The following IL1R2 variants were observed in gnomAD, a reference collection of about 807,000 sequenced individuals.
IL1R2 encodes interleukin 1 receptor type 2.
A neutral mutation model predicts 39.5 loss-of-function variants in IL1R2; 46 were observed. The observed-to-expected ratio is 1.16, with a 90% CI of 0.92 to 1.49. The LOEUF (loss-of-function observed/expected upper bound fraction) is 1.49. Ranked by LOEUF, IL1R2 falls within the 40% of genes most tolerant of loss-of-function variation. The probability of loss-of-function intolerance (pLI) is 0.00; values close to 1 mark genes in which losing one functional copy is unlikely to be tolerated. For synonymous variants in IL1R2, 207 were observed against 189.6 expected, an observed-to-expected ratio of 1.09 and a Z score of -0.75; for missense variants, 537 against 502.0, an observed-to-expected ratio of 1.07 and a Z score of -0.67.
intron 5 of IL1R2, among the ~76,000 whole-genome samples, chr2:102,021,067 A>T (rs1677353809): frequency 6.6e-6 from 1 of 152,106 alleles, no homozygotes; most frequent in Admixed American, 6.5e-5. Context: ...CCAGCTCCAT[A>T]GGGCAGCGCG....
intron 1 of IL1R2, among the ~76,000 whole-genome samples, chr2:101,995,306 T>C (rs1390103184): frequency 1.3e-5 from 2 of 152,170 alleles, no homozygotes; most frequent in African/African-American, 4.8e-5. Context: ...TTGTTTTTTT[T>C]CCATTGGCCT....
At chr2:102,008,688 C>A in intron 2 of IL1R2, 46 bp downstream of exon 2, 1 of 1,497,692 alleles carries the variant, frequency 6.7e-7, no homozygotes, top group Non-Finnish European at 9.3e-7. Context: ...CCTGTAGCTT[C>A]GCTGGGGAAA....
rs1197596366 is a variant in IL1R2, at chr2:102,002,772, C to CTATGTT, written c.-61-5740_-61-5739insGTTTAT. ...TCTATATCTATATCTATATCTATAT[C>CTATGTT]TATATCTATATCTATATCTGTATCT... On this transcript the variant is annotated intron_variant, in intron 1 of 8. Transcript: ENST00000332549. 3.8e-4 allele frequency among the ~76,000 whole-genome samples: 57 copies of CTATGTT among 151,800 alleles called. 1 individual carries two copies. The highest frequency in any genetic ancestry group is 1.0e-3 in the African/African-American group (43 of 41,252).
At chr2:102,012,879 T>C (rs1676726954) in intron 3 of IL1R2, among the ~76,000 whole-genome samples, 1 of 152,210 alleles carries the variant, frequency 6.6e-6, no homozygotes, top group South Asian at 2.1e-4. Flanking sequence ...AAGATGGGAA[T>C]CTTAGCTCTC....
chr2:102,018,790 T>C (rs1433446497), intron 4 of IL1R2, among the ~76,000 whole-genome samples: 1 of 152,180 alleles, frequency 6.6e-6, no homozygotes, highest in East Asian at 1.9e-4. Context: ...ATGACTGTGG[T>C]GCTGGGCTCT....
At chr2:102,021,305 C>CTTTTTTTTTTTTTTTTTTTTTTTT (rs546019141) in intron 5 of IL1R2, among the ~76,000 whole-genome samples, 1 of 122,854 alleles carries the variant, frequency 8.1e-6, no homozygotes, top group East Asian at 2.4e-4. Context: ...CTTTTCTTTT[C>CTTTTTTTTTTTTTTTTTTTTTTTT]TTTTTTTTTT....
intron 1 of IL1R2, among the ~76,000 whole-genome samples, chr2:102,003,811 CTGTGTCTGTGTCTGTGTCTGTGT>C (rs1305354644): frequency 0.021 from 2,311 of 108,056 alleles, 32 homozygotes; most frequent in Non-Finnish European, 0.037. Flanking sequence ...TGTGGCTGTG[CTGTGTCTGTGTCTGTGTCTGTGT>C]CTGTGTCTGT....
At chr2:101,997,655 G>A (rs1675658652) in intron 1 of IL1R2, among the ~76,000 whole-genome samples, 1 of 152,200 alleles carries the variant, frequency 6.6e-6, no homozygotes, top group African/African-American at 2.4e-5. Context: ...TGGGAGTGCA[G>A]GGGAAGGTCT....
chr2:102,016,833 T>C (rs1456598494), intron 4 of IL1R2, among the ~76,000 whole-genome samples: 1 of 152,198 alleles, frequency 6.6e-6, no homozygotes, highest in Non-Finnish European at 1.5e-5. Flanking sequence ...CACTTACGCA[T>C]CTGTGTTTTG....
chr2:101,996,808 C>A (rs1318442343), intron 1 of IL1R2, among the ~76,000 whole-genome samples: 1 of 151,252 alleles, frequency 6.6e-6, no homozygotes, highest in Non-Finnish European at 1.5e-5. Context: ...ATATATACTG[C>A]TATAATATAT....
chr2:102,020,607 G>A (rs1677318222), intron 5 of IL1R2, among the ~76,000 whole-genome samples: 1 of 152,200 alleles, frequency 6.6e-6, no homozygotes, highest in Non-Finnish European at 1.5e-5. Context: ...TTCTCACAGA[G>A]CATCCAGAGA....
chr2:102,024,192 T>C (rs1049906322), intron 6 of IL1R2, among the ~76,000 whole-genome samples: 1 of 151,974 alleles, frequency 6.6e-6, no homozygotes, highest in Non-Finnish European at 1.5e-5. Context: ...AATCCACACA[T>C]TGATCTGGAT....
intron 4 of IL1R2, among the ~76,000 whole-genome samples, chr2:102,017,759 TGTA>T (rs3218925): frequency 0.17 from 25,557 of 152,064 alleles, 2,546 homozygotes; most frequent in East Asian, 0.28. Flanking sequence ...ATCCTCTTGT[TGTA>T]GTACTGTCTG....
At chr2:102,002,782 A>ATCTATATCTATATCTATG (rs1553613533) in intron 1 of IL1R2, among the ~76,000 whole-genome samples, 1 of 146,750 alleles carries the variant, frequency 6.8e-6, no homozygotes, top group Non-Finnish European at 1.5e-5. Context: ...CTATATCTAT[A>ATCTATATCTATATCTATG]TCTATATCTG....
chr2:102,012,507 T>A (rs1577708889), intron 3 of IL1R2, among the ~76,000 whole-genome samples: 1 of 150,516 alleles, frequency 6.6e-6, no homozygotes, highest in South Asian at 2.1e-4. Context: ...ATGTGGGGGG[T>A]GGGAGGAGAT....
At chr2:102,016,228 G>A in intron 4 of IL1R2, 177 bp downstream of exon 4, 21 of 511,280 alleles carry the variant, frequency 4.1e-5, no homozygotes, top group South Asian at 1.2e-4. Context: ...AACCAACCTG[G>A]GATTGAAAAT....
chr2:102,013,524 C>CAAGAAAAAAAAAAAAAAAAAA (rs1676767510), intron 3 of IL1R2, among the ~76,000 whole-genome samples: 1 of 5,688 alleles, frequency 1.8e-4, no homozygotes, highest in African/African-American at 6.3e-4. Context: ...TCTATCACTG[C>CAAGAAAAAAAAAAAAAAAAAA]AAAAAAAAAA....
At chr2:101,994,832 G>T (rs533933084) in intron 1 of IL1R2, among the ~76,000 whole-genome samples, 8 of 152,368 alleles carry the variant, frequency 5.3e-5, no homozygotes, top group African/African-American at 1.7e-4. Flanking sequence ...ACCACACTTT[G>T]AGTAGAAAGG....
At chr2:102,021,459 G>T (rs1677394569) in intron 5 of IL1R2, among the ~76,000 whole-genome samples, 3 of 152,072 alleles carry the variant, frequency 2.0e-5, no homozygotes, top group Admixed American at 2.0e-4. Flanking sequence ...GGGATTACAG[G>T]CTTACGCCAC....
Sources: allele counts gnomAD v4.1 joint callset (sites outside exome capture counted in the v4.1 genomes callset), GRCh38; gene constraint gnomAD v4.1.1; transcripts MANE v1.5; gene names NCBI Gene and HGNC (gene_info 2026-07-23, HGNC 2026-07-21).